Variants in CLVS1 observed in about 807,000 individuals in gnomAD.
CLVS1 encodes the protein clavesin 1.
A neutral mutation model predicts 33.1 loss-of-function variants in CLVS1; 10 were observed. The observed-to-expected ratio is 0.30, with a 90% CI of 0.19 to 0.51. The LOEUF is 0.51. CLVS1 is among the 20% of genes least tolerant of loss of function. CLVS1 has a pLI of 0.97. For missense variants in CLVS1, 343 were observed against 433.4 expected (o/e 0.79, Z 1.85); for synonymous variants, 163 against 166.1 (o/e 0.98, Z 0.14).
At chr8:61,044,524 A>G in the CLVS1 span, among the ~76,000 whole-genome samples, 19 of 152,168 alleles carry the variant, frequency 1.2e-4, no homozygotes, top group Non-Finnish European at 2.5e-4. Context: ...AGACCTCCAC[A>G]TGATCTACTA....
chr8:61,420,220 C>T (rs1350850340), intron 3 of CLVS1, among the ~76,000 whole-genome samples: 2 of 152,126 alleles, frequency 1.3e-5, no homozygotes, highest in Non-Finnish European at 2.9e-5. Flanking sequence ...AATATATTGC[C>T]TTTCATAGGG....
chr8:61,094,145 T>C (rs535473456), intron 1 of CLVS1, among the ~76,000 whole-genome samples: 51 of 152,316 alleles, frequency 3.3e-4, no homozygotes, highest in Non-Finnish European at 6.9e-4. Flanking sequence ...AAGTCAGACC[T>C]GTGAATGGAC....
intron 2 of CLVS1, among the ~76,000 whole-genome samples, chr8:61,279,410 A>G (rs1019746184): frequency 4.6e-5 from 7 of 152,160 alleles, no homozygotes; most frequent in Non-Finnish European, 4.4e-5. Context: ...TCTTTTTCTA[A>G]TGATCTCTCA....
chr8:61,203,272 A>T (rs542597141), intron 2 of CLVS1: 2 of 863,048 alleles, frequency 2.3e-6, no homozygotes, highest in African/African-American at 1.6e-5. Context: ...GTCTTATTTC[A>T]TTTCTGTAAC....
chr8:61,063,293 GAT>G (rs1282008041), intron 1 of CLVS1, among the ~76,000 whole-genome samples: 3,397 of 101,552 alleles, frequency 0.033, 271 homozygotes, highest in African/African-American at 0.092. Context: ...GAGAGAGAGA[GAT>G]AGAGAGAGAG....
upstream of CLVS1, among the ~76,000 whole-genome samples, chr8:61,287,420 G>A (rs908175075): frequency 6.6e-6 from 1 of 151,990 alleles, no homozygotes; most frequent in African/African-American, 2.4e-5. Flanking sequence ...GTGGTAATTT[G>A]TATTTACTTT....
At chr8:61,478,735 A>G (rs13250573) in intron 5 of CLVS1, among the ~76,000 whole-genome samples, 86,337 of 151,976 alleles carry the variant, frequency 0.57, 28,071 homozygotes, top group Non-Finnish European at 0.72. Flanking sequence ...TGGGTCTCCT[A>G]AATACAGCAC....
chr8:61,306,380 G>T (rs1480776791), intron 2 of CLVS1, among the ~76,000 whole-genome samples: 2 of 152,104 alleles, frequency 1.3e-5, no homozygotes, highest in East Asian at 1.9e-4. Flanking sequence ...TTTCTGTGGG[G>T]TTGTTTGTTT....
chr8:61,021,577 G>C, the CLVS1 span, among the ~76,000 whole-genome samples: 2 of 151,550 alleles, frequency 1.3e-5, no homozygotes, highest in Non-Finnish European at 2.9e-5. Flanking sequence ...GACCAGGGTG[G>C]TCTCGAACTC....
the CLVS1 span, among the ~76,000 whole-genome samples, chr8:60,970,909 A>T: frequency 6.6e-6 from 1 of 151,684 alleles, no homozygotes; most frequent in African/African-American, 2.4e-5. Flanking sequence ...TAATTTTTTT[A>T]TCTTTTCTCT....
chr8:61,202,896 G>T (rs112376231), intron 2 of CLVS1: 1 of 812,934 alleles, frequency 1.2e-6, no homozygotes. Context: ...ATTTTAATGA[G>T]GAAGCTGAAG....
chr8:61,457,902 G>A (rs1215017854), intron 4 of CLVS1, among the ~76,000 whole-genome samples: 1 of 152,204 alleles, frequency 6.6e-6, no homozygotes, highest in East Asian at 1.9e-4. Context: ...CTAGGCCAGG[G>A]AAGGGGGGAA....
chr8:61,012,493 T>A, the CLVS1 span, among the ~76,000 whole-genome samples: 1 of 152,200 alleles, frequency 6.6e-6, no homozygotes, highest in African/African-American at 2.4e-5. Flanking sequence ...CCGAGAGTGA[T>A]GGAGATGGGC....
intron 2 of CLVS1, among the ~76,000 whole-genome samples, chr8:61,216,242 T>G (rs1187390970): frequency 1.3e-5 from 2 of 152,222 alleles, no homozygotes; most frequent in Non-Finnish European, 2.9e-5. Context: ...AAGAGCTCAC[T>G]GTCACATGGC....
At chr8:61,434,498 A>C (rs559909833) in intron 3 of CLVS1, among the ~76,000 whole-genome samples, 2 of 152,200 alleles carry the variant, frequency 1.3e-5, no homozygotes, top group Non-Finnish European at 2.9e-5. Context: ...TGGTTGGGGT[A>C]TAGCTTAGTT....
chr8:61,463,914 CAA>C lies in CLVS1; in HGVS notation c.977+5380_977+5381del, dbSNP rs559098675. ...AAACCCCGTATCTACTAAAAAAATACAAAAAAAAATTAGCCAGGTTTTGCGGT... is the reference window on the plus strand; with the variant it reads ...AAACCCCGTATCTACTAAAAAAATACAAAAAAATTAGCCAGGTTTTGCGGT... On this transcript the variant is annotated intron_variant, in intron 5 of 5. Transcript: ENST00000325897. Among the ~76,000 whole-genome samples, 417 of 150,118 alleles carry C rather than the reference CAA, an allele frequency of 2.8e-3. 1 individual carries two copies. The highest frequency in any genetic ancestry group is 9.8e-3 in the African/African-American group (402 of 40,946).
chr8:61,289,432 A>G (rs1359952979), intron 1 of CLVS1, among the ~76,000 whole-genome samples: 1 of 152,240 alleles, frequency 6.6e-6, no homozygotes, highest in Non-Finnish European at 1.5e-5. Flanking sequence ...AGAGCTAACA[A>G]GCACCAGAAA....
intron 2 of CLVS1, among the ~76,000 whole-genome samples, chr8:61,256,328 C>T (rs1235984203): frequency 6.6e-6 from 1 of 152,212 alleles, no homozygotes; most frequent in East Asian, 1.9e-4. Flanking sequence ...TCCTGGCTAA[C>T]AGGGTGAAAC....
At chr8:61,473,318 T>C (rs1277485863) in intron 5 of CLVS1, among the ~76,000 whole-genome samples, 2 of 122,796 alleles carry the variant, frequency 1.6e-5, no homozygotes, top group Non-Finnish European at 3.2e-5. Flanking sequence ...CTACAATTGA[T>C]GACATCTGAA....
Sources: gnomAD v4.1 joint callset for allele counts (sites outside exome capture counted in the v4.1 genomes callset) on GRCh38, gnomAD v4.1.1 for gene constraint, MANE v1.5 for transcripts, NCBI Gene and HGNC (gene_info 2026-07-23, HGNC 2026-07-21) for gene names.